Variants in STK39 observed in about 807,000 individuals in gnomAD.
STK39 encodes serine/threonine kinase 39, also known as STE20/SPS1-related proline-alanine-rich protein kinase.
Under a neutral mutation model 77.8 loss-of-function variants are expected in STK39, and 20 were observed. That is an observed-to-expected ratio of 0.26 (90% CI 0.18 to 0.37). The LOEUF (loss-of-function observed/expected upper bound fraction) is 0.37. Among genes scored for constraint, STK39 ranks in the 10% least tolerant of loss-of-function variants. STK39 has a pLI of 1.00. For missense variants in STK39, 479 were observed against 656.5 expected, an observed-to-expected ratio of 0.73 and a Z score of 2.95; for synonymous variants, 246 against 234.1, an observed-to-expected ratio of 1.05 and a Z score of -0.47.
chr2:168,065,608 G>A (rs1685772597), intron 12 of STK39, among the ~76,000 whole-genome samples: 1 of 152,300 alleles, frequency 6.6e-6, no homozygotes, highest in South Asian at 2.1e-4. Context: ...AGAGATGGAA[G>A]AGAATCTGTG....
At chr2:167,993,580 G>A (rs534415744) in intron 16 of STK39, among the ~76,000 whole-genome samples, 1 of 152,282 alleles carries the variant, frequency 6.6e-6, no homozygotes, top group African/African-American at 2.4e-5. Flanking sequence ...GCCGGGCTAA[G>A]GGAAGGAAAG....
intron 1 of STK39, among the ~76,000 whole-genome samples, chr2:168,198,676 C>A (rs1464069740): frequency 6.6e-6 from 1 of 152,142 alleles, no homozygotes; most frequent in Non-Finnish European, 1.5e-5. Context: ...ACTGGCAAAT[C>A]AAATACGGAC....
At chr2:168,207,677 T>G (rs370716374) in intron 1 of STK39, among the ~76,000 whole-genome samples, 2 of 152,208 alleles carry the variant, frequency 1.3e-5, no homozygotes, top group East Asian at 3.8e-4. Context: ...GAGATGAGCC[T>G]TGAAATGAAC....
intron 5 of STK39, among the ~76,000 whole-genome samples, chr2:168,152,427 G>T: frequency 6.6e-6 from 1 of 152,204 alleles, no homozygotes; most frequent in East Asian, 1.9e-4. Context: ...TTTGATGCAA[G>T]ATAGGTCCTT....
At chr2:168,103,951 C>A (rs1686903789) in intron 10 of STK39, among the ~76,000 whole-genome samples, 1 of 152,174 alleles carries the variant, frequency 6.6e-6, no homozygotes, top group Admixed American at 6.5e-5. Flanking sequence ...AAATGTCAAT[C>A]AGTTCAGCAC....
intron 1 of STK39, among the ~76,000 whole-genome samples, chr2:168,240,512 T>C (rs1385268696): frequency 6.6e-6 from 1 of 152,118 alleles, no homozygotes; most frequent in Non-Finnish European, 1.5e-5. Flanking sequence ...TCAAAGAAGA[T>C]CTCAAGGAGG....
intron 1 of STK39, among the ~76,000 whole-genome samples, chr2:168,193,351 T>C (rs1689387222): frequency 6.6e-6 from 1 of 152,086 alleles, no homozygotes; most frequent in Non-Finnish European, 1.5e-5. Flanking sequence ...GATGCCATAG[T>C]CTGAAATGAT....
chr2:168,116,495 A>C (rs1687261144), intron 10 of STK39, among the ~76,000 whole-genome samples: 1 of 152,240 alleles, frequency 6.6e-6, no homozygotes, highest in Non-Finnish European at 1.5e-5. Context: ...AAAGTAAAAA[A>C]ATATATTTTT....
chr2:167,982,161 G>A (rs531718101), intron 16 of STK39, among the ~76,000 whole-genome samples: 30 of 152,222 alleles, frequency 2.0e-4, no homozygotes, highest in South Asian at 1.0e-3. Flanking sequence ...TGTTATAGGC[G>A]TCCCAATATT....
At chr2:167,998,649 C>CT (rs1187139700) in intron 16 of STK39, among the ~76,000 whole-genome samples, 7 of 151,336 alleles carry the variant, frequency 4.6e-5, no homozygotes, top group African/African-American at 1.7e-4. Context: ...TTTGTTTTGC[C>CT]TTTTCTAGGA....
chr2:168,046,194 C>T lies in STK39; in HGVS notation c.1376+17306G>A, dbSNP rs369128408. Reference sequence around the variant, plus strand: ...CATCCTGGCCAACATGGTGAAACCCCGCCTTTACTAAAATACAAAAAATTA... The same window carrying T: ...CATCCTGGCCAACATGGTGAAACCCTGCCTTTACTAAAATACAAAAAATTA... On this transcript the variant is annotated intron_variant, in intron 14 of 17. Coordinates refer to ENST00000355999, the MANE Select transcript of STK39 (RefSeq NM_013233.3). Among the ~76,000 whole-genome samples, 103 of 152,174 alleles carry T rather than the reference C, an allele frequency of 6.8e-4. 1 individual carries two copies. The highest frequency in any genetic ancestry group is 2.3e-3 in the African/African-American group (95 of 41,528).
At chr2:168,245,317 C>A (rs1690869802) in intron 1 of STK39, among the ~76,000 whole-genome samples, 1 of 152,212 alleles carries the variant, frequency 6.6e-6, no homozygotes, top group African/African-American at 2.4e-5. Context: ...CTCATCACAT[C>A]CTATAGGATC....
At position 168,247,544 on chromosome 2, in the gene STK39, C is replaced by CCCGCCGCTG. The variant is rs1553465764; in HGVS notation, c.-110_-109insCAGCGGCGG. ...TCTCGGCCGGCGCACGCCCTCCCCG[C>CCCGCCGCTG]CCGCCGCCGCCGCCGCCGTCCCCGC... On this transcript the variant is annotated 5_prime_UTR_variant, in exon 1 of 18. Coordinates refer to ENST00000355999, the MANE Select transcript of STK39 (RefSeq NM_013233.3). 3.1e-5 allele frequency: 15 copies of CCCGCCGCTG among 478,760 alleles called. No individual in the cohort carries two copies. Among genetic ancestry groups the CCCGCCGCTG allele is most frequent in the Non-Finnish European group, 4.0e-5 (14 of 348,676 alleles). 29.7% of individuals were successfully genotyped at this position (478,760 alleles called of 1,614,324 possible).
chr2:167,961,881 C>T (rs1367959823), intron 17 of STK39, among the ~76,000 whole-genome samples: 1 of 152,218 alleles, frequency 6.6e-6, no homozygotes, highest in African/African-American at 2.4e-5. Context: ...CATTTCACAT[C>T]TTGGGAACCC....
chr2:168,229,274 A>G (rs1222916303), intron 1 of STK39, among the ~76,000 whole-genome samples: 1 of 151,392 alleles, frequency 6.6e-6, no homozygotes, highest in Non-Finnish European at 1.5e-5. Context: ...AATCCCAGCT[A>G]CTCCAGAGGC....
At chr2:168,202,871 A>C (rs987366895) in intron 1 of STK39, among the ~76,000 whole-genome samples, 3 of 152,122 alleles carry the variant, frequency 2.0e-5, no homozygotes, top group African/African-American at 4.8e-5. Flanking sequence ...GTGCATTTCC[A>C]TTTGCCCTTA....
intron 1 of STK39, among the ~76,000 whole-genome samples, chr2:168,229,568 A>G (rs1352878836): frequency 6.6e-6 from 1 of 152,174 alleles, no homozygotes; most frequent in African/African-American, 2.4e-5. Flanking sequence ...ATTCTTTTTG[A>G]AAAACTGTGA....
chr2:168,068,156 A>G (rs777429205), intron 12 of STK39, among the ~76,000 whole-genome samples: 39 of 152,324 alleles, frequency 2.6e-4, no homozygotes, highest in Non-Finnish European at 4.7e-4. Flanking sequence ...TGTAGGGATT[A>G]TGGAAGCTAC....
chr2:167,956,647 C>CT (rs1401659212), intron 17 of STK39, among the ~76,000 whole-genome samples: 1 of 145,222 alleles, frequency 6.9e-6, no homozygotes, highest in Non-Finnish European at 1.5e-5. Flanking sequence ...CTTGTGACCT[C>CT]TCCCCCTTGC....
Sources: gnomAD v4.1 joint callset for allele counts (sites outside exome capture counted in the v4.1 genomes callset) on GRCh38, gnomAD v4.1.1 for gene constraint, MANE v1.5 for transcripts, NCBI Gene and HGNC (gene_info 2026-07-23, HGNC 2026-07-21) for gene names.